Variants in EHBP1 observed in about 807,000 individuals in gnomAD.
The protein encoded by EHBP1 is EH domain binding protein 1.
A neutral mutation model predicts 144.0 loss-of-function variants in EHBP1; 55 were observed. That is an observed-to-expected ratio of 0.38 (90% confidence interval 0.31 to 0.48). The LOEUF is 0.48. Among genes scored for constraint, EHBP1 ranks in the 20% least tolerant of loss-of-function variants. EHBP1 has a pLI of 0.98. For synonymous variants in EHBP1, 469 were observed against 472.7 expected, an observed-to-expected ratio of 0.99 and a Z score of 0.10; for missense variants, 1,200 against 1,364.2, an observed-to-expected ratio of 0.88 and a Z score of 1.90.
At chr2:62,677,798 T>C (rs1481733982) in intron 1 of EHBP1, among the ~76,000 whole-genome samples, 1 of 152,222 alleles carries the variant, frequency 6.6e-6, no homozygotes, top group African/African-American at 2.4e-5. Context: ...CCAACCATGT[T>C]GTTGCAAATA....
At chr2:62,683,129 G>A (rs918568126) in intron 1 of EHBP1, among the ~76,000 whole-genome samples, 17 of 57,778 alleles carry the variant, frequency 2.9e-4, no homozygotes, top group African/African-American at 1.7e-3. Context: ...GCTACTGTCA[G>A]AACAACGGTC....
chr2:62,983,252 G>T (rs2059045308), intron 15 of EHBP1, among the ~76,000 whole-genome samples: 1 of 152,100 alleles, frequency 6.6e-6, no homozygotes, highest in Admixed American at 6.5e-5. Flanking sequence ...TTTTAGTTAT[G>T]TAGTATTGTG....
intron 5 of EHBP1, among the ~76,000 whole-genome samples, chr2:62,806,202 T>A (rs1397992204): frequency 6.6e-6 from 1 of 152,172 alleles, no homozygotes; most frequent in African/African-American, 2.4e-5. Context: ...CAAGCTGATC[T>A]TGAACTCCTA....
chr2:62,853,005 A>G (rs890910519), intron 7 of EHBP1, among the ~76,000 whole-genome samples: 1 of 152,214 alleles, frequency 6.6e-6, no homozygotes, highest in African/African-American at 2.4e-5. Flanking sequence ...TCTATGGTTT[A>G]CTTTGACTAT....
intron 3 of EHBP1, among the ~76,000 whole-genome samples, chr2:62,763,645 A>G (rs1230869708): frequency 1.3e-5 from 2 of 152,164 alleles, no homozygotes; most frequent in Non-Finnish European, 2.9e-5. Context: ...CCACAAAGGA[A>G]GAACTATGGT....
At chr2:62,870,734 AAT>A (rs1258918730) in intron 9 of EHBP1, among the ~76,000 whole-genome samples, 4 of 136,622 alleles carry the variant, frequency 2.9e-5, no homozygotes, top group South Asian at 4.4e-4. Context: ...AAAAAAAAAA[AAT>A]ACATATATAT....
rs139819481 is a variant in EHBP1, at chr2:62,743,413, G to T, written c.105-3982G>T. 7.2e-5 allele frequency among the ~76,000 whole-genome samples: 11 copies of T among 152,074 alleles called. No homozygotes were observed. In the East Asian group the frequency reaches 2.1e-3, roughly 29 times the overall value. ...TTTTCATCTTCTCTATGTTCTCCAA[G>T]GTTGTGCCTGGACTAGGGTAGTTGG... On this transcript the variant is annotated intron_variant, in intron 2 of 22. Transcript: ENST00000431489.
At chr2:62,842,094 C>CTTTTTTTTTTTTTT (rs555042055) in intron 7 of EHBP1, among the ~76,000 whole-genome samples, 2 of 147,524 alleles carry the variant, frequency 1.4e-5, no homozygotes, top group African/African-American at 5.0e-5. Context: ...CCCTCAAAGC[C>CTTTTTTTTTTTTTT]TTTTTTTTTT....
At chr2:62,943,877 C>G in intron 12 of EHBP1, 27 bp downstream of exon 12, 1 of 1,563,970 alleles carries the variant, frequency 6.4e-7, no homozygotes, top group African/African-American at 1.4e-5. Flanking sequence ...AAGAAAAATA[C>G]GTAGTTTCAA....
At chr2:62,787,559 G>T (rs183572779) in intron 5 of EHBP1, among the ~76,000 whole-genome samples, 3 of 152,096 alleles carry the variant, frequency 2.0e-5, no homozygotes, top group African/African-American at 7.2e-5. Flanking sequence ...AACCTCATTA[G>T]CCATAGCACA....
At position 62,837,925 on chromosome 2, in the gene EHBP1, G is replaced by A. The variant is rs1339733553; in HGVS notation, c.634+6767G>A. On this transcript the variant is annotated intron_variant, in intron 7 of 22. Transcript: ENST00000431489. ...AACACCCCACTGTCAACATTAGACA[G>A]ATCAACGAGACAGAAAGTCAACAAG... Among the ~76,000 whole-genome samples, 3 of 146,282 alleles carry A rather than the reference G, an allele frequency of 2.1e-5. No homozygotes were observed. The East Asian group carries it at 6.0e-4, about 29-fold the overall frequency.
chr2:62,684,055 G>A lies in EHBP1; in HGVS notation c.-296+9972G>A, dbSNP rs190929500. Among the ~76,000 whole-genome samples the A allele has an allele frequency of 5.9e-4, 90 of 152,304 alleles. 2 individuals carry two copies. The highest frequency in any genetic ancestry group is 9.4e-4 in the Non-Finnish European group (64 of 68,030). ...CCTGATCAAGTGTAAGTGCACACAC[G>A]TTGGAGTTTATTATATTATAGTATT... On this transcript the variant is annotated intron_variant, in intron 1 of 22. Coordinates refer to the EHBP1 transcript ENST00000405015.
chr2:62,724,687 T>C (rs986928558), intron 2 of EHBP1, among the ~76,000 whole-genome samples: 2 of 141,124 alleles, frequency 1.4e-5, no homozygotes, highest in African/African-American at 5.3e-5. Context: ...AGAGGAGGGG[T>C]TCCCAACCCC....
At chr2:63,036,790 T>G (rs1038005876) in intron 19 of EHBP1, among the ~76,000 whole-genome samples, 1 of 151,928 alleles carries the variant, frequency 6.6e-6, no homozygotes, top group Non-Finnish European at 1.5e-5. Flanking sequence ...TTGGCCTTTG[T>G]GAGGAAGTGG....
intron 2 of EHBP1, among the ~76,000 whole-genome samples, chr2:62,729,689 C>G (rs1233066745): frequency 6.8e-6 from 1 of 146,142 alleles, no homozygotes; most frequent in Non-Finnish European, 1.5e-5. Flanking sequence ...AATGAATAGC[C>G]TTTATGTTTG....
chr2:62,972,416 T>C (rs2058540310), intron 14 of EHBP1, among the ~76,000 whole-genome samples: 1 of 152,174 alleles, frequency 6.6e-6, no homozygotes, highest in Non-Finnish European at 1.5e-5. Flanking sequence ...ATTCTTTCAA[T>C]ATTATTGCAA....
chr2:62,953,665 T>C (rs1287518048), intron 13 of EHBP1, among the ~76,000 whole-genome samples: 1 of 152,136 alleles, frequency 6.6e-6, no homozygotes, highest in Non-Finnish European at 1.5e-5. Context: ...TCTACAGTTA[T>C]TATCTCTGGG....
intron 5 of EHBP1, among the ~76,000 whole-genome samples, chr2:62,808,458 T>G (rs971180365): frequency 6.6e-6 from 1 of 152,182 alleles, no homozygotes; most frequent in Non-Finnish European, 1.5e-5. Flanking sequence ...GTTTTTATGG[T>G]GTTTTTGATC....
At chr2:63,033,816 TATTGTC>T (rs2061357876) in intron 19 of EHBP1, among the ~76,000 whole-genome samples, 1 of 152,166 alleles carries the variant, frequency 6.6e-6, no homozygotes, top group Non-Finnish European at 1.5e-5. Context: ...AAGTAGTTGA[TATTGTC>T]AGTTAACACT....
Sources: allele counts gnomAD v4.1 joint callset (sites outside exome capture counted in the v4.1 genomes callset), GRCh38; gene constraint gnomAD v4.1.1; transcripts MANE v1.5; gene names NCBI Gene and HGNC (gene_info 2026-07-23, HGNC 2026-07-21).